NDUFAF6: variants seen among roughly 807,000 people sequenced by gnomAD.
NDUFAF6 encodes the protein NADH:ubiquinone oxidoreductase complex assembly factor 6.
NDUFAF6 carries 45 observed loss-of-function variants against 40.8 expected under a neutral mutation model. That is an observed-to-expected ratio of 1.10 (90% CI 0.87 to 1.42). NDUFAF6 has a LOEUF of 1.42. Ranked by LOEUF, NDUFAF6 falls within the 40% of genes most tolerant of loss-of-function variation. NDUFAF6 has a pLI of 0.00. For missense variants in NDUFAF6, 435 were observed against 418.5 expected (o/e 1.04, Z -0.34); for synonymous variants, 185 against 155.9 (o/e 1.19, Z -1.39).
chr8:94,985,942 C>T (rs1007426074), intron 2 of NDUFAF6, among the ~76,000 whole-genome samples: 2 of 150,858 alleles, frequency 1.3e-5, no homozygotes, highest in South Asian at 2.1e-4. Flanking sequence ...GGCGTGATCT[C>T]GGCTCACTGC....
chr8:94,917,994 T>C, intron 1 of NDUFAF6, among the ~76,000 whole-genome samples: 1 of 152,228 alleles, frequency 6.6e-6, no homozygotes, highest in Admixed American at 6.5e-5. Context: ...AGTGCCTGTT[T>C]TGTCAAGTTT....
intron 2 of NDUFAF6, among the ~76,000 whole-genome samples, chr8:94,951,776 T>C (rs524678): frequency 0.92 from 140,231 of 152,308 alleles, 64,605 homozygotes; most frequent in Admixed American, 0.94. Flanking sequence ...ACTGCCTGTA[T>C]CTGGGGTGGA....
chr8:95,041,650 T>C, intron 4 of NDUFAF6, 24 bp downstream of exon 4: 1 of 1,586,924 alleles, frequency 6.3e-7, no homozygotes. Context: ...GTTCAAGTCT[T>C]AAGTTTTTTC....
chr8:95,055,335 TA>T (rs1314432776), intron 8 of NDUFAF6: 7 of 152,200 alleles, frequency 4.6e-5, no homozygotes, highest in African/African-American at 1.7e-4. Flanking sequence ...AAATCACCTA[TA>T]ATTCTAACAC....
At chr8:95,024,239 C>T (rs1045032364), upstream of NDUFAF6, among the ~76,000 whole-genome samples, 8 of 152,186 alleles carry the variant, frequency 5.3e-5, no homozygotes, top group Non-Finnish European at 1.2e-4. Flanking sequence ...TTGGATCTTA[C>T]CCGACTACTT....
chr8:95,112,122 G>C (rs1356805248), intron 4 of NDUFAF6, among the ~76,000 whole-genome samples: 1 of 152,174 alleles, frequency 6.6e-6, no homozygotes, highest in African/African-American at 2.4e-5. Flanking sequence ...ATTTTACATG[G>C]CCAAAGGGGC....
intron 2 of NDUFAF6, among the ~76,000 whole-genome samples, chr8:94,989,745 G>A (rs185382733): frequency 3.3e-5 from 5 of 152,192 alleles, no homozygotes; most frequent in African/African-American, 4.8e-5. Context: ...TCTCTTTCAC[G>A]TGTTGCACAT....
At chr8:94,978,167 T>C (rs572524792) in intron 1 of NDUFAF6, among the ~76,000 whole-genome samples, 217 of 152,290 alleles carry the variant, frequency 1.4e-3, no homozygotes, top group African/African-American at 5.1e-3. Context: ...GATTAGAAGC[T>C]TGGAACATTC....
intron 4 of NDUFAF6, among the ~76,000 whole-genome samples, chr8:95,113,786 C>T (rs953601899): frequency 3.3e-5 from 5 of 152,230 alleles, no homozygotes; most frequent in South Asian, 2.1e-4. Context: ...AGAGAGGTTG[C>T]GGTGAGCTGA....
intron 1 of NDUFAF6, among the ~76,000 whole-genome samples, chr8:94,898,466 G>A (rs977461477): frequency 6.6e-6 from 1 of 152,118 alleles, no homozygotes; most frequent in Non-Finnish European, 1.5e-5. Flanking sequence ...GAGTTGACTG[G>A]GGTTATGGGT....
chr8:94,934,441 A>G (rs1481434379), intron 1 of NDUFAF6, among the ~76,000 whole-genome samples: 1 of 151,236 alleles, frequency 6.6e-6, no homozygotes, highest in Non-Finnish European at 1.5e-5. Flanking sequence ...GCTGGAGTGC[A>G]ATGGCGTGAT....
At chr8:95,005,554 A>ATATATGT (rs1554657858) in intron 2 of NDUFAF6, among the ~76,000 whole-genome samples, 3 of 115,354 alleles carry the variant, frequency 2.6e-5, no homozygotes, top group African/African-American at 1.1e-4. Context: ...TATATATATA[A>ATATATGT]AAAATATATT....
intron 8 of NDUFAF6, among the ~76,000 whole-genome samples, chr8:95,056,062 C>T (rs538867589): frequency 2.0e-5 from 3 of 152,230 alleles, no homozygotes; most frequent in East Asian, 1.9e-4. Flanking sequence ...TTTATAAAAA[C>T]GGATCATTTT....
upstream of NDUFAF6, among the ~76,000 whole-genome samples, chr8:94,954,002 T>C (rs1324834545): frequency 1.3e-5 from 2 of 152,186 alleles, no homozygotes; most frequent in African/African-American, 2.4e-5. Context: ...TTTATTCCTC[T>C]TTGATAGGAG....
chr8:95,034,202 A>T (rs1172523635), intron 2 of NDUFAF6: 2 of 375,632 alleles, frequency 5.3e-6, no homozygotes, highest in Non-Finnish European at 1.1e-5. Flanking sequence ...ACATATGTAT[A>T]TATACACATT....
intron 2 of NDUFAF6, among the ~76,000 whole-genome samples, chr8:95,032,335 A>G (rs1168042616): frequency 1.3e-5 from 2 of 152,162 alleles, no homozygotes; most frequent in Admixed American, 1.3e-4. Flanking sequence ...CTTCCCGAGG[A>G]TATTATAAAA....
chr8:94,953,147 A>G (rs1380549396), upstream of NDUFAF6, among the ~76,000 whole-genome samples: 1 of 152,222 alleles, frequency 6.6e-6, no homozygotes, highest in Non-Finnish European at 1.5e-5. Flanking sequence ...CGGGAGTTCA[A>G]GACCAGCCTG....
chr8:94,940,048 G>C (rs1380596927), intron 1 of NDUFAF6: 1 of 1,614,194 alleles, frequency 6.2e-7, no homozygotes, highest in Admixed American at 1.7e-5. Flanking sequence ...TGATAAACCA[G>C]CTCTCCTCCA....
chr8:94,940,824 C>T (rs765347770), intron 1 of NDUFAF6: 3 of 1,604,350 alleles, frequency 1.9e-6, no homozygotes, highest in East Asian at 2.2e-5. Flanking sequence ...ACCAAGTGTA[C>T]CTTACCTATG....
Sources: gnomAD v4.1 joint callset for allele counts (sites outside exome capture counted in the v4.1 genomes callset) on GRCh38, gnomAD v4.1.1 for gene constraint, MANE v1.5 for transcripts, NCBI Gene and HGNC (gene_info 2026-07-23, HGNC 2026-07-21) for gene names.